Variants in ANKRD26 observed in about 807,000 individuals in gnomAD.
ANKRD26 encodes ankyrin repeat domain-containing protein 26.
Under a neutral mutation model 208.7 loss-of-function variants are expected in ANKRD26, and 141 were observed. That is an observed-to-expected ratio of 0.68 (90% confidence interval 0.59 to 0.78). ANKRD26 has a LOEUF of 0.78. ANKRD26 is among the 30% of genes least tolerant of loss of function. The pLI, the probability that ANKRD26 is intolerant of heterozygous loss-of-function variation, is 0.00. For synonymous variants in ANKRD26, 636 were observed against 660.4 expected, an observed-to-expected ratio of 0.96 and a Z score of 0.57; for missense variants, 1,889 against 1,938.7, an observed-to-expected ratio of 0.97 and a Z score of 0.48.
intron 5 of ANKRD26, among the ~76,000 whole-genome samples, chr10:26,978,545 G>T (rs1485768182): frequency 6.6e-6 from 1 of 152,140 alleles, no homozygotes; most frequent in Non-Finnish European, 1.5e-5. Flanking sequence ...ATTCAATCTG[G>T]TCATAACTTT....
At chr10:27,082,757 C>T in intron 6 of ANKRD26, 46 bp downstream of exon 6, 4 of 1,541,714 alleles carry the variant, frequency 2.6e-6, no homozygotes, top group Non-Finnish European at 3.5e-6. Flanking sequence ...AGTTTCTTTT[C>T]TCTGTATTCC....
rs373811579 is a variant in ANKRD26 at position 27,100,461 on chromosome 10, T to G, written c.-135A>C. 156 of 1,331,854 alleles carry G rather than the reference T, an allele frequency of 1.2e-4. No homozygotes were observed. The South Asian group carries it at 1.2e-3, about 10-fold the overall frequency. The allele number at this position is 1,331,854 out of a possible 1,614,324, so 82.5% of individuals were successfully genotyped here. On this transcript the variant is annotated 5_prime_UTR_variant, in exon 1 of 34. Transcript: ENST00000376087. Reference sequence around the variant, plus strand: ...AACTCCGCGGTTTCCAATCTCTCCCTCCGGGTTACCAAGCAAGCGATCCCG... The same window carrying G: ...AACTCCGCGGTTTCCAATCTCTCCCGCCGGGTTACCAAGCAAGCGATCCCG...
intron 5 of ANKRD26, among the ~76,000 whole-genome samples, chr10:26,976,606 G>A (rs2052230751): frequency 6.6e-6 from 1 of 152,180 alleles, no homozygotes; most frequent in Non-Finnish European, 1.5e-5. Flanking sequence ...GCTGTACAAT[G>A]ATAATGACTT....
rs560876746 is a variant in ANKRD26, at chr10:27,017,702, A to G, written c.4306T>C (p.Ser1436Pro). The change falls in exon 30 of 34, where the codon TCT becomes CCT. Residue 1436 changes from serine to proline, a missense_variant. Transcript: ENST00000376087. ...KNQILQEELL[S>P]MKTVQKKCEK... is the part of the protein sequence containing the mutation. ...CATTTCTTTTGTACTGTTTTCATAG[A>G]TAACAACTCCTCTTGAAGAATTTGG... 2.5e-6 allele frequency: 4 copies of G among 1,613,142 alleles called. No individual in the cohort carries two copies. The South Asian group carries it at 3.3e-5, about 13-fold the overall frequency.
At chr10:27,045,700 T>C (rs1489626418) in intron 18 of ANKRD26, among the ~76,000 whole-genome samples, 1 of 152,184 alleles carries the variant, frequency 6.6e-6, no homozygotes, top group African/African-American at 2.4e-5. Context: ...TCTTCAATTA[T>C]CAAGAAATGT....
At chr10:26,953,612 A>T in the ANKRD26 span, among the ~76,000 whole-genome samples, 1 of 152,180 alleles carries the variant, frequency 6.6e-6, no homozygotes, top group East Asian at 1.9e-4. Flanking sequence ...TAGTTTCACT[A>T]ATCTTTATTT....
chr10:27,051,624 T>TA (rs2135374672), intron 16 of ANKRD26: 1 of 985,270 alleles, frequency 1.0e-6, no homozygotes, highest in South Asian at 4.7e-5. Context: ...TTCATTTAAA[T>TA]AAGGCTTAGA....
chr10:27,097,630 A>G (rs2056511063), intron 1 of ANKRD26, among the ~76,000 whole-genome samples: 1 of 150,854 alleles, frequency 6.6e-6, no homozygotes, highest in South Asian at 2.1e-4. Flanking sequence ...TTGCAATAAT[A>G]TTTATCTTTT....
At chr10:26,981,633 A>C (rs551932385) in intron 4 of ANKRD26, among the ~76,000 whole-genome samples, 1 of 152,366 alleles carries the variant, frequency 6.6e-6, no homozygotes, top group Non-Finnish European at 1.5e-5. Context: ...ATGATTTACC[A>C]TAAGTATTTT....
At chr10:26,980,099 C>G (rs751416189) in intron 5 of ANKRD26, among the ~76,000 whole-genome samples, 2 of 152,162 alleles carry the variant, frequency 1.3e-5, no homozygotes, top group Non-Finnish European at 2.9e-5. Flanking sequence ...TTATTGTTCT[C>G]AAGGCAATCA....
chr10:26,993,222 G>A (rs1313900013), intron 5 of ANKRD26, among the ~76,000 whole-genome samples: 1 of 152,146 alleles, frequency 6.6e-6, no homozygotes, highest in African/African-American at 2.4e-5. Context: ...TTAATCTAGG[G>A]AACATCATCT....
intron 12 of ANKRD26, chr10:27,061,982 A>C: frequency 2.0e-6 from 2 of 985,226 alleles, no homozygotes; most frequent in Non-Finnish European, 2.4e-6. Context: ...AAATGATCTA[A>C]TCGTCTGTTT....
chr10:26,970,206 T>C (rs1006621309), downstream of ANKRD26, among the ~76,000 whole-genome samples: 3 of 152,026 alleles, frequency 2.0e-5, no homozygotes, highest in Non-Finnish European at 4.4e-5. Context: ...GGGGCCCTGA[T>C]AGAGTTTGGA....
At chr10:26,960,348 G>A in the ANKRD26 span, among the ~76,000 whole-genome samples, 2 of 152,324 alleles carry the variant, frequency 1.3e-5, no homozygotes, top group African/African-American at 2.4e-5. Flanking sequence ...GAAGGGCCAC[G>A]TGGAGAGGCT....
At chr10:27,068,904 C>T (rs1251262784) in intron 9 of ANKRD26, among the ~76,000 whole-genome samples, 2 of 148,924 alleles carry the variant, frequency 1.3e-5, no homozygotes, top group Non-Finnish European at 3.0e-5. Context: ...ATATGAGAAA[C>T]GAGGTCGGGC....
intron 12 of ANKRD26, chr10:27,061,949 G>T: frequency 1.0e-6 from 1 of 984,956 alleles, no homozygotes; most frequent in Non-Finnish European, 1.2e-6. Flanking sequence ...ATGCCCTCCT[G>T]CTTGCAATAA....
intron 28 of ANKRD26, 118 bp downstream of exon 28, chr10:27,024,329 A>G (rs368391610): frequency 6.5e-6 from 4 of 619,708 alleles, no homozygotes; most frequent in Non-Finnish European, 1.1e-5. Flanking sequence ...TTAAAAGAGA[A>G]TAATTTCATT....
At chr10:27,052,001 A>C (rs1186013124) in intron 16 of ANKRD26, 1 of 985,262 alleles carries the variant, frequency 1.0e-6, no homozygotes, top group African/African-American at 1.7e-5. Context: ...CTGAATATAC[A>C]GATACATCCT....
chr10:27,067,563 A>C (rs537846128), intron 9 of ANKRD26, among the ~76,000 whole-genome samples: 3 of 152,300 alleles, frequency 2.0e-5, no homozygotes, highest in Admixed American at 2.0e-4. Flanking sequence ...TCACAGCAGA[A>C]GGCAAAGAGG....
Sources: allele counts gnomAD v4.1 joint callset (sites outside exome capture counted in the v4.1 genomes callset), GRCh38; gene constraint gnomAD v4.1.1; transcripts MANE v1.5; gene names NCBI Gene and HGNC (gene_info 2026-07-23, HGNC 2026-07-21).